AGMO: variants seen among roughly 807,000 people sequenced by gnomAD.
The protein encoded by AGMO is alkylglycerol monooxygenase, also known as glyceryl-ether monooxygenase.
In AGMO, 75 loss-of-function variants were observed where a neutral mutation model predicts 60.2. The observed-to-expected ratio is 1.25, with a 90% CI of 1.03 to 1.51. AGMO has a LOEUF of 1.51. Among genes scored for constraint, AGMO ranks in the 40% most tolerant of loss-of-function variants. The pLI is 0.00. For synonymous variants in AGMO, 261 were observed against 177.1 expected, an observed-to-expected ratio of 1.47 and a Z score of -3.76; for missense variants, 763 against 525.5, an observed-to-expected ratio of 1.45 and a Z score of -4.42.
chr7:15,365,656 A>ATATG (rs1240484649), intron 11 of AGMO, 37 bp from the exon 12 acceptor site: 2 of 1,386,110 alleles, frequency 1.4e-6, no homozygotes, highest in Non-Finnish European at 2.0e-6. Context: ...TTAGCTTTAA[A>ATATG]TATGCTCTTT....
chr7:15,410,451 A>T (rs1784808244), intron 5 of AGMO, among the ~76,000 whole-genome samples: 1 of 151,824 alleles, frequency 6.6e-6, no homozygotes, highest in Non-Finnish European at 1.5e-5. Context: ...TATAGTTAAG[A>T]ATGCAATTTT....
At chr7:15,469,585 T>C (rs564765871) in intron 3 of AGMO, among the ~76,000 whole-genome samples, 7 of 152,134 alleles carry the variant, frequency 4.6e-5, no homozygotes, top group Admixed American at 2.6e-4. Flanking sequence ...AATAGAACAG[T>C]AGAAATCAAA....
chr7:15,146,715 T>C, the AGMO span, among the ~76,000 whole-genome samples: 1 of 152,202 alleles, frequency 6.6e-6, no homozygotes, highest in African/African-American at 2.4e-5. Context: ...GTACATGCTT[T>C]CTTTTTGGAG....
chr7:15,343,202 A>T (rs1781921223), intron 12 of AGMO, among the ~76,000 whole-genome samples: 1 of 152,166 alleles, frequency 6.6e-6, no homozygotes, highest in African/African-American at 2.4e-5. Context: ...CTGTAAAATG[A>T]TCAATTCTTT....
rs1784334348 is a variant in AGMO at position 15,293,574 on chromosome 7, T to C, written c.1263+71940A>G. ...ACAACAACAACAAAAACTACCAGGG[T>C]ACTAGTTACAAAAAACTGTTAACAT... On this transcript the variant is annotated intron_variant, in intron 12 of 12. Transcript: ENST00000342526. Among the ~76,000 whole-genome samples, 3 of 152,110 alleles carry C rather than the reference T, an allele frequency of 2.0e-5. No homozygotes were observed. The South Asian group carries it at 6.2e-4, about 32-fold the overall frequency.
chr7:15,385,674 C>A, intron 9 of AGMO, 112 bp from the exon 10 acceptor site: 4 of 696,634 alleles, frequency 5.7e-6, no homozygotes, highest in South Asian at 5.0e-5. Flanking sequence ...TAAAAAAAGA[C>A]AAACATAATT....
At chr7:15,406,906 GC>G (rs1410289280) in intron 5 of AGMO, among the ~76,000 whole-genome samples, 1 of 120,756 alleles carries the variant, frequency 8.3e-6, no homozygotes, top group Non-Finnish European at 1.7e-5. Context: ...GACTCAAAAG[GC>G]CCCTTTGTTT....
At chr7:15,298,019 G>C (rs1018870478) in intron 12 of AGMO, among the ~76,000 whole-genome samples, 7 of 152,112 alleles carry the variant, frequency 4.6e-5, no homozygotes, top group African/African-American at 1.7e-4. Context: ...AGGTAAGTCA[G>C]TAACATATCC....
intron 4 of AGMO, among the ~76,000 whole-genome samples, chr7:15,422,348 G>A (rs1446180621): frequency 6.6e-6 from 1 of 151,606 alleles, no homozygotes; most frequent in Non-Finnish European, 1.5e-5. Flanking sequence ...AAGGAAGAGG[G>A]AAAATGCCAA....
At chr7:15,513,061 C>T (rs933347486) in intron 3 of AGMO, among the ~76,000 whole-genome samples, 2 of 152,262 alleles carry the variant, frequency 1.3e-5, no homozygotes, top group Middle Eastern at 3.4e-3. Flanking sequence ...AAAGGTATTA[C>T]ACATAGTTGT....
At chr7:15,173,007 T>G in the AGMO span, among the ~76,000 whole-genome samples, 1 of 152,204 alleles carries the variant, frequency 6.6e-6, no homozygotes, top group Non-Finnish European at 1.5e-5. Flanking sequence ...CATATCCTTA[T>G]GACATAAAAT....
chr7:15,293,981 A>G (rs1784346985), intron 12 of AGMO, among the ~76,000 whole-genome samples: 1 of 152,112 alleles, frequency 6.6e-6, no homozygotes, highest in Admixed American at 6.6e-5. Flanking sequence ...GATGTTTAAG[A>G]AAGGAGAGTT....
chr7:15,163,412 A>G, the AGMO span, among the ~76,000 whole-genome samples: 1 of 151,938 alleles, frequency 6.6e-6, no homozygotes, highest in South Asian at 2.1e-4. Context: ...TCTTAGGGGG[A>G]ATACTTCCAA....
the AGMO span, among the ~76,000 whole-genome samples, chr7:15,117,235 C>T: frequency 1.3e-5 from 2 of 151,844 alleles, no homozygotes; most frequent in African/African-American, 4.8e-5. Flanking sequence ...AAACATACAG[C>T]CACAGAAATC....
At chr7:15,288,836 TA>T (rs1024209447) in intron 12 of AGMO, among the ~76,000 whole-genome samples, 1 of 148,158 alleles carries the variant, frequency 6.7e-6, no homozygotes, top group African/African-American at 2.5e-5. Flanking sequence ...CAGAGGGCTT[TA>T]AAAAAATAAA....
At chr7:15,306,064 GA>G (rs554361482) in intron 12 of AGMO, among the ~76,000 whole-genome samples, 131 of 151,882 alleles carry the variant, frequency 8.6e-4, no homozygotes, top group African/African-American at 3.0e-3. Flanking sequence ...TTTTGATTAA[GA>G]AAAACTTTAA....
the AGMO span, among the ~76,000 whole-genome samples, chr7:15,132,257 T>C: frequency 5.3e-5 from 8 of 152,190 alleles, no homozygotes; most frequent in African/African-American, 1.7e-4. Flanking sequence ...CAACTTATTG[T>C]TAGCATTTAA....
chr7:15,256,327 A>G (rs1783096096), intron 12 of AGMO, among the ~76,000 whole-genome samples: 1 of 152,110 alleles, frequency 6.6e-6, no homozygotes. Context: ...ATTGTAACAG[A>G]GCTGAAATTT....
chr7:15,510,788 C>G (rs1040993900), intron 3 of AGMO, among the ~76,000 whole-genome samples: 1 of 126,112 alleles, frequency 7.9e-6, no homozygotes, highest in Admixed American at 9.0e-5. Context: ...ACTGAGACTT[C>G]AAGCAAAATT....
Sources: allele counts gnomAD v4.1 joint callset (sites outside exome capture counted in the v4.1 genomes callset), GRCh38; gene constraint gnomAD v4.1.1; transcripts MANE v1.5; gene names NCBI Gene and HGNC (gene_info 2026-07-23, HGNC 2026-07-21).